The following TNFSF10 variants were observed in gnomAD, a reference collection of about 807,000 sequenced individuals.
The protein encoded by TNFSF10 is TNF superfamily member 10.
In TNFSF10, 13 loss-of-function variants were observed where a neutral mutation model predicts 29.5. The ratio of observed to expected loss-of-function variants is 0.44; its 90% CI spans 0.29 to 0.70. The LOEUF (loss-of-function observed/expected upper bound fraction) is 0.70, where lower values mean the gene tolerates loss of function less well. TNFSF10 is among the 30% of genes least tolerant of loss of function. The pLI, the probability that TNFSF10 is intolerant of heterozygous loss-of-function variation, is 0.13. For missense variants in TNFSF10, 345 were observed against 330.9 expected, an observed-to-expected ratio of 1.04 and a Z score of -0.33; for synonymous variants, 111 against 112.8, an observed-to-expected ratio of 0.98 and a Z score of 0.10.
chr3:172,517,718 C>A (rs1027076450), intron 1 of TNFSF10: 3 of 984,780 alleles, frequency 3.0e-6, no homozygotes, highest in African/African-American at 3.5e-5. Context: ...TTCTTTAAAT[C>A]TGTATGAAAA....
rs9865753 is a variant in TNFSF10, at chr3:172,506,936, G to C, written c.419-17C>G. On this transcript the variant is annotated splice_polypyrimidine_tract_variant and intron_variant, in intron 4 of 4. Coordinates refer to ENST00000241261, the MANE Select transcript of TNFSF10 (RefSeq NM_003810.4). ...TCTTGGAGTCTGTAGGAAATTTAGA[G>C]AGAAAGAGCGTTAACAGAAGGGAAT... 2.9e-3 allele frequency: 4,535 copies of C among 1,559,070 alleles called. 122 individuals are homozygous for C. The African/African-American group carries it at 0.056, about 19-fold the overall frequency.
At chr3:172,514,121 G>T (rs1713338410) in intron 2 of TNFSF10, among the ~76,000 whole-genome samples, 1 of 152,216 alleles carries the variant, frequency 6.6e-6, no homozygotes, top group Admixed American at 6.5e-5. Flanking sequence ...TTACAGGCGT[G>T]AGCCACTACA....
chr3:172,511,373 T>G, intron 3 of TNFSF10: 1 of 358,436 alleles, frequency 2.8e-6, no homozygotes, highest in South Asian at 5.6e-5. Context: ...GGAAAATTCA[T>G]GGGGAAGAAT....
At position 172,523,430 on chromosome 3, in the gene TNFSF10, C is replaced by A; in HGVS notation, c.-46G>T. On this transcript the variant is annotated 5_prime_UTR_variant, in exon 1 of 5. Coordinates refer to ENST00000241261, the MANE Select transcript of TNFSF10 (RefSeq NM_003810.4). Reference sequence around the variant, plus strand: ...GCTGTAAGTCAGCCAGGCAGCCGGTCACTGAAGCCCTTCCTTCTCTATTCT... The same window carrying A: ...GCTGTAAGTCAGCCAGGCAGCCGGTAACTGAAGCCCTTCCTTCTCTATTCT... The A allele has an allele frequency of 1.9e-6, 3 of 1,589,744 alleles. No homozygotes were observed. Among genetic ancestry groups the A allele is most frequent in the South Asian group, 2.2e-5 (2 of 89,640 alleles).
rs187022820 is a variant in TNFSF10 at position 172,508,838 on chromosome 3, G to A, written c.418+379C>T. 2.6e-5 allele frequency among the ~76,000 whole-genome samples: 4 copies of A among 151,920 alleles called. No homozygotes were observed. The East Asian group carries it at 7.7e-4, about 29-fold the overall frequency. ...CTGGAGGCGGAGGTTGCAGTGAGCC[G>A]AGATGGTGCCATTGCACTCCAGCCT... On this transcript the variant is annotated intron_variant, in intron 4 of 4. Coordinates refer to ENST00000241261, the MANE Select transcript of TNFSF10 (RefSeq NM_003810.4).
chr3:172,516,227 G>A (rs142552223), intron 1 of TNFSF10, among the ~76,000 whole-genome samples: 4,033 of 148,558 alleles, frequency 0.027, 72 homozygotes, highest in Non-Finnish European at 0.038. Context: ...TCGTGCCATT[G>A]CACTCTAGCC....
At chr3:172,518,541 A>G in intron 1 of TNFSF10, 1 of 1,134,482 alleles carries the variant, frequency 8.8e-7, no homozygotes, top group Non-Finnish European at 1.2e-6. Context: ...CCCATCTATG[A>G]TGTCACAGTG....
chr3:172,511,743 G>A (rs1713234681), intron 2 of TNFSF10, 84 bp from the exon 3 acceptor site: 4 of 1,213,924 alleles, frequency 3.3e-6, no homozygotes, highest in Admixed American at 4.3e-5. Flanking sequence ...TCTTGCTGAT[G>A]TCTAACAGGA....
At chr3:172,522,298 C>T in intron 1 of TNFSF10, 1 of 745,596 alleles carries the variant, frequency 1.3e-6, no homozygotes, top group South Asian at 1.4e-5. Flanking sequence ...CTTCATCCTG[C>T]TGTGTGCTAT....
chr3:172,506,997 C>T, intron 4 of TNFSF10, 78 bp from the exon 5 acceptor site: 2 of 1,315,208 alleles, frequency 1.5e-6, no homozygotes, highest in Non-Finnish European at 2.0e-6. Flanking sequence ...GCAGCTGTGG[C>T]CAGCCTATAT....
intron 1 of TNFSF10, chr3:172,517,295 G>A (rs1461647182): frequency 5.1e-6 from 5 of 980,116 alleles, no homozygotes; most frequent in Non-Finnish European, 1.2e-6. Flanking sequence ...CCAATTGCTG[G>A]CTAGAGCCTG....
chr3:172,522,689 G>A (rs184656623), intron 1 of TNFSF10, among the ~76,000 whole-genome samples: 45 of 152,168 alleles, frequency 3.0e-4, no homozygotes, highest in African/African-American at 7.9e-4. Context: ...ATTTATTTTC[G>A]CAGGAATTCT....
Position 172,505,554 on chromosome 3 carries a change from T to A in TNFSF10, c.*938A>T, listed in dbSNP as rs1712943796. 6.6e-6 allele frequency: 1 copy of A among 152,096 alleles called. No individual in the cohort carries two copies. The highest frequency in any genetic ancestry group is 2.1e-4 in the South Asian group (1 of 4,830). 9.4% of individuals were successfully genotyped at this position (152,096 alleles called of 1,614,324 possible). A position where few individuals can be genotyped will look rare whatever the true frequency, so the allele number is the denominator to read the frequency against. On this transcript the variant is annotated 3_prime_UTR_variant, in exon 5 of 5. Transcript: ENST00000241261. ...AAATTTATTTCTTCTGTAATATGTGTCAAAGATATTATGAAAAAAAGATTA... is the reference window on the plus strand; with the variant it reads ...AAATTTATTTCTTCTGTAATATGTGACAAAGATATTATGAAAAAAAGATTA...
intron 1 of TNFSF10, 21 bp from the exon 2 acceptor site, chr3:172,515,019 A>G (rs778064423): frequency 6.2e-7 from 1 of 1,613,564 alleles, no homozygotes; most frequent in Non-Finnish European, 8.5e-7. Context: ...ATGGAATATA[A>G]CACAATATTT....
chr3:172,515,032 C>A (rs1195137899), intron 1 of TNFSF10, 34 bp from the exon 2 acceptor site: 2 of 1,611,580 alleles, frequency 1.2e-6, no homozygotes, highest in Non-Finnish European at 1.7e-6. Flanking sequence ...CAATATTTTG[C>A]ATAAGTGCTT....
At chr3:172,523,131 G>T in intron 1 of TNFSF10, 122 bp downstream of exon 1, 1 of 1,241,786 alleles carries the variant, frequency 8.1e-7, no homozygotes, top group Non-Finnish European at 1.1e-6. Context: ...AGCAGTTAGA[G>T]TGTACCCACA....
intron 1 of TNFSF10, chr3:172,517,962 G>A: frequency 1.0e-6 from 1 of 985,534 alleles, no homozygotes; most frequent in East Asian, 1.1e-4. Flanking sequence ...CTTGCATCAT[G>A]AATTTTGGTA....
At chr3:172,515,140 AAG>A in intron 1 of TNFSF10, 142 bp from the exon 2 acceptor site, 1 of 1,062,730 alleles carries the variant, frequency 9.4e-7, no homozygotes, top group East Asian at 2.4e-5. Flanking sequence ...AAATAAAAGT[AAG>A]CATGCTCTCC....
At chr3:172,514,799 CT>C in intron 2 of TNFSF10, 61 bp downstream of exon 2, 1 of 1,581,092 alleles carries the variant, frequency 6.3e-7, no homozygotes, top group Non-Finnish European at 8.6e-7. Flanking sequence ...GATTCCTTTG[CT>C]TTAAGGAATT....
Sources: gnomAD v4.1 joint callset for allele counts (sites outside exome capture counted in the v4.1 genomes callset) on GRCh38, gnomAD v4.1.1 for gene constraint, MANE v1.5 for transcripts, NCBI Gene and HGNC (gene_info 2026-07-23, HGNC 2026-07-21) for gene names.